Variants in TAB1 observed in about 807,000 individuals in gnomAD.
TAB1 encodes the protein TGF-beta-activated kinase 1 and MAP3K7-binding protein 1.
In TAB1, 30 loss-of-function variants were observed where a neutral mutation model predicts 54.5. That is an observed-to-expected ratio of 0.55 (90% CI 0.41 to 0.75). TAB1 has a LOEUF of 0.75. Among genes scored for constraint, TAB1 ranks in the 30% least tolerant of loss-of-function variants. The pLI, the probability that TAB1 is intolerant of heterozygous loss-of-function variation, is 0.00. For missense variants in TAB1, 609 were observed against 683.2 expected (o/e 0.89, Z 1.21); for synonymous variants, 289 against 286.9 (o/e 1.01, Z -0.07).
At chr22:39,423,568 G>A (rs1181554185) in intron 8 of TAB1, among the ~76,000 whole-genome samples, 2 of 152,176 alleles carry the variant, frequency 1.3e-5, no homozygotes, top group Non-Finnish European at 2.9e-5. Flanking sequence ...TCGCACCACT[G>A]CACTCCAGCC....
At chr22:39,418,974 G>T in intron 6 of TAB1, 129 bp downstream of exon 6, 1 of 732,766 alleles carries the variant, frequency 1.4e-6, no homozygotes, top group South Asian at 1.6e-5. Flanking sequence ...CCTGCCTGGG[G>T]TTCATTCCCA....
Position 39,421,929 on chromosome 22 carries a change from C to T in TAB1, c.879C>T (p.Tyr293=). 1.9e-6 allele frequency: 3 copies of T among 1,608,350 alleles called. No individual in the cohort carries two copies. Among genetic ancestry groups the T allele is most frequent in the Non-Finnish European group, 2.5e-6 (3 of 1,177,310 alleles). ...TGGTGCTGATGTCGGAGGGGTTGTA[C>T]AAGGCCCTAGAGGCAGCCCATGGGC... ...GFLVLMSEGL[Y]KALEAAHGPG... is the part of the protein sequence containing the mutation. Residue 293 remains tyrosine (Y), a synonymous_variant, in exon 8 of 11, where the codon TAC becomes TAT. Transcript: ENST00000216160.
Position 39,429,099 on chromosome 22 carries a change from TC to T in TAB1, c.1308-912del, listed in dbSNP as rs920428186. ...GACAAGGCAGGACAACCCACTCTCC[TC>T]CCCTGCCTGTGTTCCTCACTCCTTT... is the stretch of plus-strand genomic sequence containing the variant. On this transcript the variant is annotated intron_variant, in intron 10 of 10. Coordinates refer to ENST00000216160, the MANE Select transcript of TAB1 (RefSeq NM_006116.3). 6.1e-6 allele frequency: 6 copies of T among 985,288 alleles called. No individual in the cohort carries two copies. The African/African-American group carries it at 1.0e-4, about 17-fold the overall frequency. 61.0% of individuals were successfully genotyped at this position (985,288 alleles called of 1,614,324 possible). A position where few individuals can be genotyped will look rare whatever the true frequency, so the allele number is the denominator to read the frequency against.
At chr22:39,400,939 A>G (rs34925533) in intron 1 of TAB1, among the ~76,000 whole-genome samples, 1,644 of 149,100 alleles carry the variant, frequency 0.011, 32 homozygotes, top group African/African-American at 0.038. Flanking sequence ...AGGCTGAGGC[A>G]GGAGAATTAG....
At position 39,399,796 on chromosome 22, in the gene TAB1, C is replaced by T. The variant is rs371626573; in HGVS notation, c.-7C>T. 1.3e-6 allele frequency: 2 copies of T among 1,591,612 alleles called. No homozygotes were observed. Among genetic ancestry groups the T allele is most frequent in the South Asian group, 1.1e-5 (1 of 87,538 alleles). ...GAGGCGGGCGCTCCCGCAGGGGTTC[C>T]TCCAAGATGGCGGCGCAGAGGAGGA... On this transcript the variant is annotated 5_prime_UTR_variant, in exon 1 of 11. Transcript: ENST00000216160.
Position 39,415,170 on chromosome 22 carries a change from G to C in TAB1, c.170+28G>C. 3 of 1,546,316 alleles carry C rather than the reference G, an allele frequency of 1.9e-6. No individual in the cohort carries two copies. The highest frequency in any genetic ancestry group is 2.6e-6 in the Non-Finnish European group (3 of 1,143,492). ...GTGTGTGCCAGCATTTCTGTGTTGG[G>C]CCCGGGGAGTTGGTTGGTTTGCAAG... On this transcript the variant is annotated intron_variant, in intron 2 of 10. Transcript: ENST00000216160. The surrounding 1 kb of genome is among the most constrained non-coding windows in gnomAD (Gnocchi z 4.9).
chr22:39,409,099 T>G (rs573666616), intron 1 of TAB1, among the ~76,000 whole-genome samples: 33 of 152,348 alleles, frequency 2.2e-4, no homozygotes, highest in African/African-American at 7.9e-4. Context: ...AGAAATATCT[T>G]TTCCTCCCAT....
Position 39,430,855 on chromosome 22 carries a change from AG to A in TAB1, c.*638del, listed in dbSNP as rs1046107426. The A allele has an allele frequency of 2.0e-6, 2 of 990,424 alleles. No homozygotes were observed. Among genetic ancestry groups the A allele is most frequent in the Non-Finnish European group, 2.4e-6 (2 of 832,660 alleles). The allele number at this position is 990,424 out of a possible 1,614,324, so 61.4% of individuals were successfully genotyped here. On this transcript the variant is annotated 3_prime_UTR_variant, in exon 11 of 11. Transcript: ENST00000216160. ...GGGGCAGGCCAGGTGGAAAGGAGCC[AG>A]GGGGAAGTGGTCTAAGAGACCTGGA...
intron 1 of TAB1, among the ~76,000 whole-genome samples, chr22:39,412,465 T>C (rs1007403843): frequency 4.6e-5 from 7 of 151,764 alleles, no homozygotes; most frequent in African/African-American, 1.7e-4. Context: ...GTTACACACA[T>C]CTCTACATGT....
At chr22:39,403,814 A>AC in intron 1 of TAB1, among the ~76,000 whole-genome samples, 1 of 145,084 alleles carries the variant, frequency 6.9e-6, no homozygotes, top group African/African-American at 2.5e-5. Context: ...AACTTTTTGT[A>AC]TTTTTTTTTT....
Position 39,430,389 on chromosome 22 carries a change from T to A in TAB1, c.*167T>A, listed in dbSNP as rs17001102. The A allele has an allele frequency of 6.9e-7, 1 of 1,453,992 alleles. No homozygotes were observed. Among genetic ancestry groups the A allele is most frequent in the African/African-American group, 1.4e-5 (1 of 70,942 alleles). The allele number at this position is 1,453,992 out of a possible 1,614,324, so 90.1% of individuals were successfully genotyped here. On this transcript the variant is annotated 3_prime_UTR_variant, in exon 11 of 11. Coordinates refer to ENST00000216160, the MANE Select transcript of TAB1 (RefSeq NM_006116.3). Reference sequence around the variant, plus strand: ...GGCAGTAGAGTGTGTGAGTGCAGACTGGACCTGTGGTTCATACCTTGTCAC... The same window carrying A: ...GGCAGTAGAGTGTGTGAGTGCAGACAGGACCTGTGGTTCATACCTTGTCAC...
intron 10 of TAB1, 171 bp from the exon 11 acceptor site, chr22:39,429,844 T>C: frequency 1.0e-6 from 1 of 985,454 alleles, no homozygotes; most frequent in Non-Finnish European, 1.2e-6. Flanking sequence ...AAAATTTGAC[T>C]TTTTATCTGT....
At chr22:39,436,648 C>A, downstream of TAB1, 1 of 1,186,448 alleles carries the variant, frequency 8.4e-7, no homozygotes, top group Non-Finnish European at 1.3e-6. Context: ...CTGACTTGTG[C>A]ACTGGGATCT....
rs781717299 is a variant in TAB1 at position 39,425,382 on chromosome 22, CA to C, written c.922-1308del. 8.5e-3 allele frequency among the ~76,000 whole-genome samples: 1,129 copies of C among 132,220 alleles called. 10 individuals carry two copies. The highest frequency in any genetic ancestry group is 0.03 in the Middle Eastern group (8 of 264). 86.7% of individuals were successfully genotyped at this position (132,220 alleles called of 152,430 possible). ...TGGTCAACACAGTGAGACTCTGTCT[CA>C]AAAAAAAAAAAATTACATGGGATTC... On this transcript the variant is annotated intron_variant, in intron 8 of 10. Transcript: ENST00000216160.
downstream of TAB1, among the ~76,000 whole-genome samples, chr22:39,434,947 CTG>C: frequency 6.6e-6 from 1 of 152,370 alleles, no homozygotes; most frequent in East Asian, 1.9e-4. Context: ...CGGGTACCTG[CTG>C]TGTGGGAGTC....
chr22:39,405,967 A>G (rs954022173), intron 1 of TAB1, among the ~76,000 whole-genome samples: 1 of 152,210 alleles, frequency 6.6e-6, no homozygotes, highest in Non-Finnish European at 1.5e-5. Flanking sequence ...TGGATCTAAG[A>G]CACCAATGTT....
intron 1 of TAB1, among the ~76,000 whole-genome samples, chr22:39,400,929 A>T (rs1377602657): frequency 6.8e-6 from 1 of 147,060 alleles, no homozygotes; most frequent in African/African-American, 2.5e-5. Flanking sequence ...ACTATTCGGG[A>T]GGCTGAGGCA....
chr22:39,408,494 T>C (rs1442198434), intron 1 of TAB1, among the ~76,000 whole-genome samples: 4 of 152,034 alleles, frequency 2.6e-5, no homozygotes, highest in Non-Finnish European at 5.9e-5. Context: ...CACTGGCGTT[T>C]TTTGTTTTTG....
chr22:39,426,134 C>G (rs941180415), intron 8 of TAB1, among the ~76,000 whole-genome samples: 4 of 152,234 alleles, frequency 2.6e-5, no homozygotes, highest in Non-Finnish European at 2.9e-5. Flanking sequence ...GCTGGGATTA[C>G]AGGCGCAAGC....
Sources: gnomAD v4.1 joint callset for allele counts (sites outside exome capture counted in the v4.1 genomes callset) on GRCh38, gnomAD v4.1.1 for gene constraint, Gnocchi (gnomAD v3.1) non-coding constraint, MANE v1.5 for transcripts, NCBI Gene and HGNC (gene_info 2026-07-23, HGNC 2026-07-21) for gene names.